The following TBC1D1 variants were observed in gnomAD, a reference collection of about 807,000 sequenced individuals.
TBC1D1 encodes the protein TBC1 (tre-2/USP6, BUB2, cdc16) domain family, member 1.
A neutral mutation model predicts 125.6 loss-of-function variants in TBC1D1; 89 were observed. The observed-to-expected ratio is 0.71, with a 90% CI of 0.60 to 0.85. TBC1D1 has a LOEUF of 0.85. Among genes scored for constraint, TBC1D1 ranks in the 40% least tolerant of loss-of-function variants. The probability of loss-of-function intolerance (pLI) is 0.00; values close to 1 mark genes in which losing one functional copy is unlikely to be tolerated. For synonymous variants in TBC1D1, 565 were observed against 564.1 expected, an observed-to-expected ratio of 1.00 and a Z score of -0.02; for missense variants, 1,377 against 1,469.2, an observed-to-expected ratio of 0.94 and a Z score of 1.03.
chr4:38,057,316 C>T (rs1751909315), intron 12 of TBC1D1, among the ~76,000 whole-genome samples: 2 of 152,220 alleles, frequency 1.3e-5, no homozygotes, highest in Non-Finnish European at 2.9e-5. Context: ...TCGTCAGTAT[C>T]CCCATGGCTC....
At chr4:37,988,528 AG>A in intron 2 of TBC1D1, among the ~76,000 whole-genome samples, 1 of 152,378 alleles carries the variant, frequency 6.6e-6, no homozygotes, top group Non-Finnish European at 1.5e-5. Flanking sequence ...TAACACACTT[AG>A]TACCTAGATT....
chr4:37,919,783 C>T (rs1720531842), intron 2 of TBC1D1, among the ~76,000 whole-genome samples: 1 of 152,118 alleles, frequency 6.6e-6, no homozygotes, highest in Admixed American at 6.5e-5. Flanking sequence ...TTTAGCTTCT[C>T]CACAGCTGGC....
rs776753435 is a variant in TBC1D1, at chr4:37,918,450, CT to C, written c.417+15953del. Among the ~76,000 whole-genome samples, 1,240 of 142,002 alleles carry C rather than the reference CT, an allele frequency of 8.7e-3. 7 individuals are homozygous for C. Among genetic ancestry groups the C allele is most frequent in the African/African-American group, 0.024 (943 of 39,122 alleles). 93.2% of individuals were successfully genotyped at this position (142,002 alleles called of 152,430 possible). Reference sequence around the variant, plus strand: ...TCACGGTGTGTTTTGGCATTTTCCTCTTTTTTTTTTTTTTTGAGATGGAGTC... The same window carrying C: ...TCACGGTGTGTTTTGGCATTTTCCTCTTTTTTTTTTTTTTGAGATGGAGTC... On this transcript the variant is annotated intron_variant, in intron 2 of 19. Coordinates refer to ENST00000261439, the MANE Select transcript of TBC1D1 (RefSeq NM_015173.4).
chr4:38,077,470 G>C (rs1439011164), intron 12 of TBC1D1, among the ~76,000 whole-genome samples: 1 of 152,022 alleles, frequency 6.6e-6, no homozygotes, highest in Non-Finnish European at 1.5e-5. Context: ...TAATAATTTT[G>C]GGGTTGAAAC....
At chr4:37,951,966 G>A (rs1727968280) in intron 2 of TBC1D1, 1 of 717,290 alleles carries the variant, frequency 1.4e-6, no homozygotes. Context: ...TGACACCTAT[G>A]TGTTCTCAGA....
intron 11 of TBC1D1, among the ~76,000 whole-genome samples, chr4:38,052,730 A>ACG (rs1321481398): frequency 4.6e-5 from 3 of 64,716 alleles, no homozygotes; most frequent in Admixed American, 1.7e-4. Context: ...GCGCGCGCGC[A>ACG]CACACACACA....
chr4:38,040,587 C>T (rs1748172293), intron 8 of TBC1D1, among the ~76,000 whole-genome samples: 1 of 152,160 alleles, frequency 6.6e-6, no homozygotes, highest in Non-Finnish European at 1.5e-5. Context: ...GCGCCTGGCT[C>T]ATATTTTCTT....
chr4:38,101,187 T>G (rs1167501659), intron 14 of TBC1D1, among the ~76,000 whole-genome samples: 1 of 152,234 alleles, frequency 6.6e-6, no homozygotes, highest in Non-Finnish European at 1.5e-5. Context: ...TTCCCAAAGG[T>G]GGCCAGAGAC....
At chr4:37,957,882 A>G (rs1388908569) in intron 2 of TBC1D1, among the ~76,000 whole-genome samples, 1 of 152,172 alleles carries the variant, frequency 6.6e-6, no homozygotes, top group African/African-American at 2.4e-5. Flanking sequence ...TTATAATGCA[A>G]CAGATGATAG....
intron 6 of TBC1D1, among the ~76,000 whole-genome samples, chr4:38,026,091 A>AG (rs60323299): frequency 6.6e-6 from 1 of 151,218 alleles, no homozygotes; most frequent in Non-Finnish European, 1.5e-5. Context: ...AAAAAAAAAA[A>AG]GGCCCATTTC....
chr4:38,053,807 G>A (rs1751169199), intron 11 of TBC1D1, among the ~76,000 whole-genome samples: 1 of 152,244 alleles, frequency 6.6e-6, no homozygotes, highest in South Asian at 2.1e-4. Flanking sequence ...ACATGGGCCT[G>A]TGCTGAGCAG....
chr4:37,926,415 G>T (rs1722123277), intron 2 of TBC1D1, among the ~76,000 whole-genome samples: 1 of 152,184 alleles, frequency 6.6e-6, no homozygotes, highest in African/African-American at 2.4e-5. Context: ...AGGTGGCCTT[G>T]CTCCATCGCT....
intron 2 of TBC1D1, among the ~76,000 whole-genome samples, chr4:37,951,350 C>A (rs1727830309): frequency 6.6e-6 from 1 of 152,194 alleles, no homozygotes; most frequent in East Asian, 1.9e-4. Flanking sequence ...GGTGATGGAA[C>A]CTGGGAGTTC....
At chr4:37,950,650 AACCAACATTGAC>A (rs1321478853) in intron 2 of TBC1D1, among the ~76,000 whole-genome samples, 2 of 140,600 alleles carry the variant, frequency 1.4e-5, no homozygotes, top group East Asian at 4.5e-4. Context: ...ACAATTGATG[AACCAACATTGAC>A]ACATTATTCT....
chr4:37,903,283 G>A (rs919841744), intron 2 of TBC1D1, among the ~76,000 whole-genome samples: 1 of 152,152 alleles, frequency 6.6e-6, no homozygotes, highest in South Asian at 2.1e-4. Context: ...ATTAGCATTC[G>A]TTGTAGCTCT....
chr4:38,015,801 G>C (rs930228073), intron 3 of TBC1D1, among the ~76,000 whole-genome samples: 12 of 152,098 alleles, frequency 7.9e-5, no homozygotes, highest in Admixed American at 7.9e-4. Flanking sequence ...ATGGCCAGGG[G>C]GTAAAAAACC....
chr4:38,037,278 T>C (rs1258358334), intron 8 of TBC1D1, among the ~76,000 whole-genome samples: 1 of 151,054 alleles, frequency 6.6e-6, no homozygotes, highest in South Asian at 2.1e-4. Flanking sequence ...TGTTTAATGT[T>C]TTTTTTTTAC....
chr4:37,948,189 C>G (rs1018237046), intron 2 of TBC1D1, among the ~76,000 whole-genome samples: 1 of 152,122 alleles, frequency 6.6e-6, no homozygotes, highest in African/African-American at 2.4e-5. Flanking sequence ...ATAAGAGGCA[C>G]CATGTCAGAG....
chr4:37,903,536 G>A (rs560525139), intron 2 of TBC1D1, among the ~76,000 whole-genome samples: 1 of 152,302 alleles, frequency 6.6e-6, no homozygotes, highest in East Asian at 1.9e-4. Context: ...TGTCAGTGAA[G>A]CCTTGAAAGC....
Sources: allele counts gnomAD v4.1 joint callset (sites outside exome capture counted in the v4.1 genomes callset), GRCh38; gene constraint gnomAD v4.1.1; transcripts MANE v1.5; gene names NCBI Gene and HGNC (gene_info 2026-07-23, HGNC 2026-07-21).